Variants in SPPL3 observed in about 807,000 individuals in gnomAD.
The protein encoded by SPPL3 is signal peptide peptidase like 3.
In SPPL3, 5 loss-of-function variants were observed where a neutral mutation model predicts 42.4. The ratio of observed to expected loss-of-function variants is 0.12; its 90% CI spans 0.06 to 0.25. SPPL3 has a LOEUF of 0.25. SPPL3 is among the 10% of genes least tolerant of loss of function. SPPL3 has a pLI of 1.00. For synonymous variants in SPPL3, 195 were observed against 181.8 expected (o/e 1.07, Z -0.58); for missense variants, 235 against 489.0 (o/e 0.48, Z 4.90).
intron 1 of SPPL3, among the ~76,000 whole-genome samples, chr12:120,883,422 T>C (rs192528874): frequency 1.3e-5 from 2 of 152,338 alleles, no homozygotes; most frequent in East Asian, 3.9e-4. Flanking sequence ...TATAGGAGAC[T>C]ATCTTCAAGA....
chr12:120,791,349 C>A, intron 3 of SPPL3, 120 bp downstream of exon 3: 1 of 624,514 alleles, frequency 1.6e-6, no homozygotes. Flanking sequence ...AAGTATAATT[C>A]AATGTTTTTT....
chr12:120,781,520 T>C (rs974468263), intron 6 of SPPL3, among the ~76,000 whole-genome samples: 1 of 150,552 alleles, frequency 6.6e-6, no homozygotes, highest in African/African-American at 2.4e-5. Context: ...TATGATGCAT[T>C]ATATTACAGT....
At chr12:120,878,066 G>C (rs1376234101) in intron 1 of SPPL3, among the ~76,000 whole-genome samples, 3 of 151,702 alleles carry the variant, frequency 2.0e-5, no homozygotes, top group Non-Finnish European at 4.4e-5. Flanking sequence ...AAATATCAGA[G>C]TGAGAAATAA....
At chr12:120,804,549 T>A (rs899338929) in intron 2 of SPPL3, among the ~76,000 whole-genome samples, 1 of 152,118 alleles carries the variant, frequency 6.6e-6, no homozygotes, top group African/African-American at 2.4e-5. Flanking sequence ...TACCACTTCA[T>A]ACCCACCAGA....
At position 120,873,465 on chromosome 12, in the gene SPPL3, A is replaced by G. The variant is rs193140787; in HGVS notation, c.23+30380T>C. ...AGAAACTCAAAAAGCCCCAAACAAA[A>G]GAAACATACATAAAACCACATCAAG... On this transcript the variant is annotated intron_variant, in intron 1 of 10. Coordinates refer to ENST00000353487, the MANE Select transcript of SPPL3 (RefSeq NM_139015.5). 1.2e-4 allele frequency among the ~76,000 whole-genome samples: 19 copies of G among 152,336 alleles called. No individual in the cohort carries two copies. In the East Asian group the frequency reaches 3.5e-3, roughly 28 times the overall value.
chr12:120,861,847 T>A (rs1872625283), intron 1 of SPPL3, among the ~76,000 whole-genome samples: 1 of 152,166 alleles, frequency 6.6e-6, no homozygotes, highest in Non-Finnish European at 1.5e-5. Flanking sequence ...AGAAGGGCTG[T>A]GAGGGAGTTA....
At chr12:120,895,077 T>C (rs1873759743) in intron 1 of SPPL3, among the ~76,000 whole-genome samples, 1 of 152,222 alleles carries the variant, frequency 6.6e-6, no homozygotes, top group Admixed American at 6.5e-5. Flanking sequence ...TCTACTGTTC[T>C]TTCTTCATTT....
At chr12:120,767,315 G>A in intron 9 of SPPL3, 79 bp downstream of exon 9, 1 of 1,452,344 alleles carries the variant, frequency 6.9e-7, no homozygotes, top group East Asian at 2.3e-5. Context: ...AGTAACTGTA[G>A]CTAGAAGACC....
At chr12:120,903,799 AC>A (rs1308250168) in intron 1 of SPPL3, 45 bp downstream of exon 1, 4 of 1,223,990 alleles carry the variant, frequency 3.3e-6, no homozygotes. Context: ...CGGCGCCCCG[AC>A]CCCCACCCTT....
At chr12:120,877,820 C>A (rs376011777) in intron 1 of SPPL3, among the ~76,000 whole-genome samples, 1 of 145,990 alleles carries the variant, frequency 6.8e-6, no homozygotes, top group Admixed American at 6.9e-5. Context: ...AAGCATAACA[C>A]GTTATGATTT....
chr12:120,895,621 AT>A (rs1366602151), intron 1 of SPPL3, among the ~76,000 whole-genome samples: 1 of 152,262 alleles, frequency 6.6e-6, no homozygotes, highest in Non-Finnish European at 1.5e-5. Context: ...AAGAGAAGTC[AT>A]TTCTATAGTG....
At chr12:120,902,052 G>A (rs1873999417) in intron 1 of SPPL3, 2 of 286,704 alleles carry the variant, frequency 7.0e-6, no homozygotes, top group South Asian at 1.3e-4. Context: ...CACAAGGCAT[G>A]ACAGAAACAC....
At chr12:120,789,406 A>G (rs569858906) in intron 3 of SPPL3, among the ~76,000 whole-genome samples, 83 of 135,838 alleles carry the variant, frequency 6.1e-4, no homozygotes, top group African/African-American at 2.2e-3. Flanking sequence ...GTCAGCAGAG[A>G]CTGCACCTCT....
intron 6 of SPPL3, chr12:120,769,752 T>C (rs561873590): frequency 3.9e-5 from 6 of 152,420 alleles, no homozygotes; most frequent in Non-Finnish European, 8.8e-5. Context: ...GGTTTCACCA[T>C]GTTGGCCAGG....
At chr12:120,865,423 T>C (rs1299931686) in intron 1 of SPPL3, among the ~76,000 whole-genome samples, 1 of 152,232 alleles carries the variant, frequency 6.6e-6, no homozygotes, top group African/African-American at 2.4e-5. Context: ...TACCACTTAC[T>C]GGCTGTAAGG....
chr12:120,799,241 C>A (rs144424772), intron 2 of SPPL3, among the ~76,000 whole-genome samples: 6 of 152,280 alleles, frequency 3.9e-5, no homozygotes, highest in Middle Eastern at 3.4e-3. Flanking sequence ...TGGGCAAAAT[C>A]ATCTAACACA....
At chr12:120,838,089 T>C (rs1430818827) in intron 1 of SPPL3, among the ~76,000 whole-genome samples, 1 of 152,142 alleles carries the variant, frequency 6.6e-6, no homozygotes, top group Non-Finnish European at 1.5e-5. Flanking sequence ...AGCCCATACT[T>C]ACTACTTAAA....
chr12:120,884,089 G>A (rs1020870516), intron 1 of SPPL3, among the ~76,000 whole-genome samples: 5 of 116,344 alleles, frequency 4.3e-5, no homozygotes, highest in South Asian at 3.3e-4. Flanking sequence ...CAACAACAGC[G>A]AAACTATGTC....
intron 2 of SPPL3, among the ~76,000 whole-genome samples, chr12:120,806,092 A>T (rs1039419696): frequency 6.6e-6 from 1 of 151,620 alleles, no homozygotes; most frequent in African/African-American, 2.4e-5. Flanking sequence ...AAAATTTGTA[A>T]AAGAACAACA....
Sources: gnomAD v4.1 joint callset for allele counts (sites outside exome capture counted in the v4.1 genomes callset) on GRCh38, gnomAD v4.1.1 for gene constraint, MANE v1.5 for transcripts, NCBI Gene and HGNC (gene_info 2026-07-23, HGNC 2026-07-21) for gene names.